CAPN14: variants seen among roughly 807,000 people sequenced by gnomAD.
CAPN14 encodes the protein calpain 14.
Under a neutral mutation model 101.3 loss-of-function variants are expected in CAPN14, and 94 were observed. That is an observed-to-expected ratio of 0.93 (90% CI 0.79 to 1.10). The LOEUF (loss-of-function observed/expected upper bound fraction) is 1.10. Ranked by LOEUF, CAPN14 falls within the 50% of genes least tolerant of loss-of-function variation. The probability of loss-of-function intolerance (pLI) is 0.00; values close to 1 mark genes in which losing one functional copy is unlikely to be tolerated. For missense variants in CAPN14, 837 were observed against 828.4 expected, an observed-to-expected ratio of 1.01 and a Z score of -0.13; for synonymous variants, 338 against 317.9, an observed-to-expected ratio of 1.06 and a Z score of -0.67.
chr2:31,179,851 A>G lies in CAPN14; in HGVS notation c.1710+1085T>C, dbSNP rs113558853. Among the ~76,000 whole-genome samples the G allele has an allele frequency of 8.9e-3, 1,357 of 152,356 alleles. 26 individuals are homozygous for G. The highest frequency in any genetic ancestry group is 0.031 in the African/African-American group (1,269 of 41,580). On this transcript the variant is annotated intron_variant, in intron 17 of 21. Transcript: ENST00000403897. ...ATTTTTTCATGTGACTGTTGGCTGC[A>G]TAAATGTCTTCTTTTGAGAAGTGTC...
intron 8 of CAPN14, among the ~76,000 whole-genome samples, chr2:31,195,181 G>T (rs1681403120): frequency 6.6e-6 from 1 of 152,196 alleles, no homozygotes; most frequent in South Asian, 2.1e-4. Context: ...TGAAAAAAAG[G>T]AGTTCCAGGA....
rs1681301298 is a variant in CAPN14 at position 31,193,303 on chromosome 2, A to T, written c.951-9T>A. On this transcript the variant is annotated splice_polypyrimidine_tract_variant and intron_variant, in intron 9 of 21. Transcript: ENST00000403897. ...AGTCCTGCAGCGTCATCCTGTGGAG[A>T]GAAGAAGGAAAAGCACAAAGAGATG... is the stretch of plus-strand genomic sequence containing the variant. 1 of 1,551,028 alleles carries T rather than the reference A, an allele frequency of 6.4e-7. No homozygotes were observed. The highest frequency in any genetic ancestry group is 1.4e-5 in the African/African-American group (1 of 73,032).
rs1180017190 is a variant in CAPN14 at position 31,203,059 on chromosome 2, T to C, written c.295+11A>G. ...GCCTAGTGTCTGTCTCTCGGGGCTG[T>C]GCAAACTTACCTACTATCCCCTGGC... On this transcript the variant is annotated intron_variant, in intron 3 of 21. Coordinates refer to ENST00000403897, the MANE Select transcript of CAPN14 (RefSeq NM_001145122.2). The C allele has an allele frequency of 1.3e-6, 2 of 1,551,014 alleles. No individual in the cohort carries two copies. Among genetic ancestry groups the C allele is most frequent in the African/African-American group, 2.7e-5 (2 of 73,028 alleles).
intron 17 of CAPN14, among the ~76,000 whole-genome samples, chr2:31,179,060 CTATA>C (rs60701103): frequency 2.0e-3 from 139 of 69,190 alleles, no homozygotes; most frequent in Middle Eastern, 6.9e-3. Flanking sequence ...TTATTGAGTT[CTATA>C]TATATATATA....
intron 6 of CAPN14, among the ~76,000 whole-genome samples, chr2:31,199,969 C>T (rs1218400982): frequency 6.6e-6 from 1 of 152,142 alleles, no homozygotes; most frequent in Non-Finnish European, 1.5e-5. Context: ...TACTGCCTTG[C>T]CTGTCCTGAG....
In CAPN14 at chr2:31,176,376, T is replaced by C. The variant is rs1680284135; in HGVS notation, c.2028+211A>G. On this transcript the variant is annotated intron_variant, in intron 21 of 21. Coordinates refer to ENST00000403897, the MANE Select transcript of CAPN14 (RefSeq NM_001145122.2). ...TGCAATCAGAGTTATTGGATACACC[T>C]TTCATATGTGCCTGGCACAAAGTGG... Among the ~76,000 whole-genome samples the C allele has an allele frequency of 2.0e-5, 3 of 152,360 alleles. 1 individual carries two copies. In the South Asian group the frequency reaches 6.2e-4, roughly 32 times the overall value.
At chr2:31,180,370 A>G (rs765360785) in intron 17 of CAPN14, among the ~76,000 whole-genome samples, 17 of 152,266 alleles carry the variant, frequency 1.1e-4, no homozygotes, top group Admixed American at 3.9e-4. Context: ...ATGCCTCTCA[A>G]TAGTATGGAT....
intron 2 of CAPN14, among the ~76,000 whole-genome samples, chr2:31,204,183 G>A (rs956416238): frequency 1.3e-5 from 2 of 152,114 alleles, no homozygotes; most frequent in African/African-American, 4.8e-5. Flanking sequence ...GACTGAGGGA[G>A]GGCTACATCT....
At position 31,205,411 on chromosome 2, in the gene CAPN14, G is replaced by C; in HGVS notation, c.37C>G (p.Leu13Val). The C allele has an allele frequency of 6.4e-7, 1 of 1,551,612 alleles. No homozygotes were observed. The highest frequency in any genetic ancestry group is 8.7e-7 in the Non-Finnish European group (1 of 1,146,982). ...LWPPFRCRWKLAPRYSRRASP... is the reference protein window; with the variant it reads ...LWPPFRCRWKVAPRYSRRASP... ...GCCCTCCTAGAGTACCTTGGCGCCAGCTTCCATCTGCATCGGAAAGGTGGC... is the reference window on the plus strand; with the variant it reads ...GCCCTCCTAGAGTACCTTGGCGCCACCTTCCATCTGCATCGGAAAGGTGGC... Residue 13 changes from leucine to valine, a missense_variant, in exon 2 of 22, where the codon CTG (leucine) becomes GTG (valine). By Grantham distance (32) the Leu-to-Val change is conservative (BLOSUM62 1). Transcript: ENST00000403897.
At chr2:31,211,711 A>C (rs1001727816) in intron 1 of CAPN14, among the ~76,000 whole-genome samples, 19 of 149,328 alleles carry the variant, frequency 1.3e-4, no homozygotes, top group African/African-American at 4.7e-4. Context: ...GATGGGAAGA[A>C]AATATATATA....
At chr2:31,180,729 T>C (rs1243422246) in intron 17 of CAPN14, among the ~76,000 whole-genome samples, 1 of 152,218 alleles carries the variant, frequency 6.6e-6, no homozygotes, top group African/African-American at 2.4e-5. Context: ...TTATCTCATT[T>C]GCATTCCCAC....
intron 16 of CAPN14, among the ~76,000 whole-genome samples, chr2:31,185,807 T>C (rs571161410): frequency 9.2e-5 from 14 of 152,236 alleles, no homozygotes; most frequent in Non-Finnish European, 1.5e-4. Flanking sequence ...TCTGGTTGTT[T>C]TACTTTTTTT....
chr2:31,201,798 C>T (rs2148690355), intron 5 of CAPN14, 64 bp downstream of exon 5: 1 of 1,533,636 alleles, frequency 6.5e-7, no homozygotes, highest in Non-Finnish European at 8.8e-7. Flanking sequence ...CCACTCCCCT[C>T]CCTCAACATT....
intron 16 of CAPN14, among the ~76,000 whole-genome samples, chr2:31,182,227 C>A (rs959005819): frequency 6.6e-6 from 1 of 151,116 alleles, no homozygotes; most frequent in Non-Finnish European, 1.5e-5. Context: ...CAGCCAATAT[C>A]ATACTGAATG....
intron 7 of CAPN14, among the ~76,000 whole-genome samples, chr2:31,197,623 C>T (rs1289939091): frequency 6.6e-6 from 1 of 152,202 alleles, no homozygotes; most frequent in Non-Finnish European, 1.5e-5. Flanking sequence ...AGGATATGTA[C>T]ACTTAGAACC....
chr2:31,187,466 C>G (rs990247256), intron 15 of CAPN14, among the ~76,000 whole-genome samples: 2 of 150,302 alleles, frequency 1.3e-5, no homozygotes, highest in Non-Finnish European at 3.0e-5. Context: ...ACATTCTACT[C>G]TGCTATATCC....
chr2:31,213,775 T>G (rs934076181), intron 1 of CAPN14, among the ~76,000 whole-genome samples: 1 of 152,198 alleles, frequency 6.6e-6, no homozygotes, highest in Non-Finnish European at 1.5e-5. Flanking sequence ...AATCCCTTAT[T>G]TAGATGTGAT....
chr2:31,176,756 C>G, intron 20 of CAPN14, 114 bp from the exon 21 acceptor site: 1 of 991,380 alleles, frequency 1.0e-6, no homozygotes, highest in Non-Finnish European at 1.6e-6. Context: ...CGTGAGGGAA[C>G]CCAGTGTCAG....
intron 9 of CAPN14, among the ~76,000 whole-genome samples, chr2:31,193,819 G>A (rs922755282): frequency 2.0e-5 from 3 of 152,216 alleles, no homozygotes; most frequent in Non-Finnish European, 4.4e-5. Flanking sequence ...TCCAAAGGGA[G>A]AGGGCGGTGG....
Sources: allele counts gnomAD v4.1 joint callset (sites outside exome capture counted in the v4.1 genomes callset), GRCh38; gene constraint gnomAD v4.1.1; transcripts MANE v1.5; gene names NCBI Gene and HGNC (gene_info 2026-07-23, HGNC 2026-07-21).